Variants in L3MBTL4 observed in about 807,000 individuals in gnomAD.
The protein encoded by L3MBTL4 is L3MBTL histone methyl-lysine binding protein 4.
In L3MBTL4, 70 loss-of-function variants were observed where a neutral mutation model predicts 84.5. The observed-to-expected ratio is 0.83, with a 90% CI of 0.68 to 1.01. The LOEUF is 1.01. L3MBTL4 is among the 50% of genes least tolerant of loss of function. The pLI is 0.00. For missense variants in L3MBTL4, 715 were observed against 754.8 expected, an observed-to-expected ratio of 0.95 and a Z score of 0.62; for synonymous variants, 274 against 259.8, an observed-to-expected ratio of 1.05 and a Z score of -0.52.
chr18:6,124,425 GTTATA>G (rs1263186974), intron 14 of L3MBTL4, among the ~76,000 whole-genome samples: 9 of 148,084 alleles, frequency 6.1e-5, no homozygotes, highest in African/African-American at 9.8e-5. Flanking sequence ...TATATATACA[GTTATA>G]TTATTATATA....
At chr18:6,223,077 A>G (rs2046627913) in intron 10 of L3MBTL4, among the ~76,000 whole-genome samples, 1 of 151,972 alleles carries the variant, frequency 6.6e-6, no homozygotes, top group Non-Finnish European at 1.5e-5. Flanking sequence ...TGAAACATCT[A>G]GAATATCTAC....
chr18:6,066,936 T>G (rs1047116340), intron 16 of L3MBTL4, among the ~76,000 whole-genome samples: 4 of 151,102 alleles, frequency 2.6e-5, no homozygotes, highest in African/African-American at 9.8e-5. Flanking sequence ...TTTTTTTTCA[T>G]TGTGTTATTG....
At chr18:6,135,037 C>T (rs34614187) in intron 14 of L3MBTL4, among the ~76,000 whole-genome samples, 7,951 of 152,230 alleles carry the variant, frequency 0.052, 699 homozygotes, top group African/African-American at 0.18. Context: ...TAAATCTAGG[C>T]GGAGGTTCCC....
chr18:6,188,505 T>A (rs1201173448), intron 12 of L3MBTL4, among the ~76,000 whole-genome samples: 1 of 152,038 alleles, frequency 6.6e-6, no homozygotes, highest in Admixed American at 6.6e-5. Context: ...TACTAAGAAG[T>A]CTAAATGAAG....
chr18:6,272,361 T>C (rs1322602318), intron 4 of L3MBTL4, among the ~76,000 whole-genome samples: 1 of 152,026 alleles, frequency 6.6e-6, no homozygotes, highest in African/African-American at 2.4e-5. Flanking sequence ...CTGCTAAGAG[T>C]AAAGGTCACA....
chr18:6,011,986 T>C (rs1339173922), intron 16 of L3MBTL4, among the ~76,000 whole-genome samples: 5 of 152,250 alleles, frequency 3.3e-5, no homozygotes, highest in African/African-American at 1.2e-4. Flanking sequence ...GACAGAAACC[T>C]TTTCTTTTGT....
intron 6 of L3MBTL4, among the ~76,000 whole-genome samples, chr18:6,244,060 T>A (rs1180496187): frequency 6.6e-6 from 1 of 152,216 alleles, no homozygotes; most frequent in South Asian, 2.1e-4. Context: ...AAGCCATTCA[T>A]CAAGAGCTCT....
chr18:6,314,047 TAGATAGATAG>T (rs1361620291), intron 1 of L3MBTL4, among the ~76,000 whole-genome samples: 1 of 93,988 alleles, frequency 1.1e-5, no homozygotes, highest in Non-Finnish European at 2.2e-5. Context: ...GATAGATAGA[TAGATAGATAG>T]ATAGATAGAT....
chr18:6,151,255 CA>C (rs1463757767), intron 13 of L3MBTL4, among the ~76,000 whole-genome samples: 1 of 152,150 alleles, frequency 6.6e-6, no homozygotes, highest in Non-Finnish European at 1.5e-5. Flanking sequence ...TTTATGTGGT[CA>C]CATAATTTGT....
At chr18:6,355,570 C>CT (rs1398238866) in intron 1 of L3MBTL4, among the ~76,000 whole-genome samples, 1 of 152,086 alleles carries the variant, frequency 6.6e-6, no homozygotes. Context: ...TGTGAACAAT[C>CT]TACCAGCCAG....
At chr18:6,146,826 G>A (rs1185852501) in intron 13 of L3MBTL4, among the ~76,000 whole-genome samples, 1 of 152,134 alleles carries the variant, frequency 6.6e-6, no homozygotes, top group African/African-American at 2.4e-5. Flanking sequence ...GTGAGGACGG[G>A]GTGATAGGCC....
chr18:6,371,724 C>A (rs1045132262), intron 1 of L3MBTL4, among the ~76,000 whole-genome samples: 11 of 152,204 alleles, frequency 7.2e-5, no homozygotes, highest in African/African-American at 2.4e-4. Context: ...TGTCACTGAA[C>A]TGTGGTTAAG....
At chr18:6,019,037 C>A (rs976518448) in intron 16 of L3MBTL4, among the ~76,000 whole-genome samples, 1 of 152,142 alleles carries the variant, frequency 6.6e-6, no homozygotes, top group Non-Finnish European at 1.5e-5. Flanking sequence ...ATTAGTCTTC[C>A]CCCAAGGAAA....
At chr18:5,990,022 C>T (rs1423076568) in intron 16 of L3MBTL4, among the ~76,000 whole-genome samples, 3 of 152,114 alleles carry the variant, frequency 2.0e-5, no homozygotes, top group East Asian at 1.9e-4. Context: ...GCGTTCTCTC[C>T]GGGATCCCTA....
intron 1 of L3MBTL4, among the ~76,000 whole-genome samples, chr18:6,372,760 G>A (rs186237072): frequency 1.3e-5 from 2 of 152,262 alleles, no homozygotes; most frequent in African/African-American, 4.8e-5. Flanking sequence ...CTGAAAATAT[G>A]TAAATTGCTT....
At chr18:6,350,985 A>G (rs1426568523) in intron 1 of L3MBTL4, among the ~76,000 whole-genome samples, 1 of 152,206 alleles carries the variant, frequency 6.6e-6, no homozygotes, top group Admixed American at 6.5e-5. Context: ...TGAGGTCAGG[A>G]GTTCAAGACC....
chr18:6,152,994 T>C (rs1285513153), intron 13 of L3MBTL4, among the ~76,000 whole-genome samples: 1 of 152,212 alleles, frequency 6.6e-6, no homozygotes, highest in African/African-American at 2.4e-5. Flanking sequence ...AGAGATTTCC[T>C]TTCCCTATTA....
intron 14 of L3MBTL4, among the ~76,000 whole-genome samples, chr18:6,131,420 T>G (rs1369523813): frequency 3.9e-5 from 6 of 152,212 alleles, no homozygotes; most frequent in African/African-American, 1.4e-4. Context: ...TTTTCTTAAA[T>G]ATAAGAATAT....
At chr18:6,218,727 C>T (rs1356141924) in intron 10 of L3MBTL4, among the ~76,000 whole-genome samples, 1 of 152,062 alleles carries the variant, frequency 6.6e-6, no homozygotes, top group Non-Finnish European at 1.5e-5. Flanking sequence ...TCAATGAACC[C>T]AAAGAGAGAA....
Sources: allele counts gnomAD v4.1 joint callset (sites outside exome capture counted in the v4.1 genomes callset), GRCh38; gene constraint gnomAD v4.1.1; transcripts MANE v1.5; gene names NCBI Gene and HGNC (gene_info 2026-07-23, HGNC 2026-07-21).